DST: variants seen among roughly 807,000 people sequenced by gnomAD.
The protein encoded by DST is dystonin.
DST carries 253 observed loss-of-function variants against 875.2 expected under a neutral mutation model. The observed-to-expected ratio is 0.29, with a 90% CI of 0.26 to 0.32. The LOEUF (loss-of-function observed/expected upper bound fraction) is 0.32, where lower values mean the gene tolerates loss of function less well. Ranked by LOEUF, DST falls within the 10% of genes least tolerant of loss-of-function variation. The pLI, the probability that DST is intolerant of heterozygous loss-of-function variation, is 1.00. For missense variants in DST, 8,287 were observed against 9,111.6 expected (o/e 0.91, Z 3.68); for synonymous variants, 3,124 against 3,197.1 (o/e 0.98, Z 0.77).
intron 3 of DST, among the ~76,000 whole-genome samples, chr6:56,893,437 A>G (rs1162750733): frequency 6.6e-6 from 1 of 152,070 alleles, no homozygotes; most frequent in Admixed American, 6.6e-5. Context: ...ACAATTTTGG[A>G]ATTGTGAATT....
rs1031082207 is a variant in DST at position 56,458,273 on chromosome 6, T to C, written c.*732A>G. The C allele has an allele frequency of 1.4e-4, 22 of 152,664 alleles. No individual in the cohort carries two copies. The highest frequency in any genetic ancestry group is 4.8e-4 in the African/African-American group (20 of 41,462). 9.5% of individuals were successfully genotyped at this position (152,664 alleles called of 1,614,324 possible). ...GGACGTGTTTTATTTCATAGCTTTC[T>C]GCAAGCAAAATTGCTCTGATACAAA... On this transcript the variant is annotated 3_prime_UTR_variant, in exon 104 of 104. Coordinates refer to ENST00000680361, the MANE Select transcript of DST (RefSeq NM_001374736.1).
intron 5 of DST, among the ~76,000 whole-genome samples, chr6:56,733,325 G>T (rs905365492): frequency 1.3e-5 from 2 of 152,122 alleles, no homozygotes; most frequent in African/African-American, 4.8e-5. Context: ...AAAAGGAAAA[G>T]TACTTGATGT....
chr6:56,585,288 T>C (rs2098123926), intron 49 of DST, among the ~76,000 whole-genome samples: 1 of 152,214 alleles, frequency 6.6e-6, no homozygotes. Context: ...TATTGGTCTA[T>C]TCAGAGATTC....
At chr6:56,621,523 C>T (rs887420442) in intron 36 of DST, among the ~76,000 whole-genome samples, 3 of 152,036 alleles carry the variant, frequency 2.0e-5, no homozygotes, top group African/African-American at 4.8e-5. Context: ...CCTTTAAATA[C>T]TCCATAAATA....
chr6:56,493,864 C>T (rs1217058159), intron 83 of DST, 146 bp downstream of exon 83: 1 of 532,198 alleles, frequency 1.9e-6, no homozygotes, highest in Non-Finnish European at 3.0e-6. Flanking sequence ...TCAACTACCC[C>T]ATGAAATCTC....
chr6:56,625,911 A>AT (rs908179893), intron 34 of DST, among the ~76,000 whole-genome samples: 2 of 150,762 alleles, frequency 1.3e-5, no homozygotes, highest in African/African-American at 4.9e-5. Context: ...TCTTGACTCT[A>AT]TATAGGCCTA....
At chr6:56,641,139 G>A (rs2098895692) in intron 17 of DST, among the ~76,000 whole-genome samples, 1 of 151,732 alleles carries the variant, frequency 6.6e-6, no homozygotes, top group Admixed American at 6.6e-5. Context: ...GAGAGAGAGA[G>A]AGAGAGAGAG....
intron 45 of DST, among the ~76,000 whole-genome samples, chr6:56,599,077 T>C (rs1333606046): frequency 6.6e-6 from 1 of 152,128 alleles, no homozygotes; most frequent in Non-Finnish European, 1.5e-5. Context: ...TCTAAACTTT[T>C]ATTTTTTAAT....
intron 3 of DST, among the ~76,000 whole-genome samples, chr6:56,872,822 T>TCCCG (rs71549733): frequency 5.0e-5 from 5 of 99,568 alleles, no homozygotes; most frequent in African/African-American, 2.2e-4. Context: ...ATACACTGAT[T>TCCCG]CCCCCCCCCC....
chr6:56,810,392 G>C (rs1561951629), intron 4 of DST, among the ~76,000 whole-genome samples: 1 of 152,084 alleles, frequency 6.6e-6, no homozygotes, highest in Non-Finnish European at 1.5e-5. Context: ...AATACACTGA[G>C]ACTATGTCAG....
intron 61 of DST, among the ~76,000 whole-genome samples, chr6:56,544,259 T>G (rs894503059): frequency 6.6e-6 from 1 of 152,238 alleles, no homozygotes; most frequent in Non-Finnish European, 1.5e-5. Flanking sequence ...AGAAAACTAC[T>G]TATTCATGGC....
intron 17 of DST, 128 bp from the exon 18 acceptor site, chr6:56,640,733 T>C: frequency 1.3e-6 from 1 of 754,102 alleles, no homozygotes; most frequent in Admixed American, 2.0e-5. Context: ...TTTTAGCAAA[T>C]GTGCCACACT....
intron 3 of DST, among the ~76,000 whole-genome samples, chr6:56,855,122 C>G (rs1348339936): frequency 6.6e-6 from 1 of 152,132 alleles, no homozygotes; most frequent in Non-Finnish European, 1.5e-5. Context: ...TACTGAATCT[C>G]TGCAAACAAA....
intron 4 of DST, among the ~76,000 whole-genome samples, chr6:56,743,570 T>C (rs1238511483): frequency 2.0e-5 from 3 of 152,150 alleles, no homozygotes; most frequent in Non-Finnish European, 2.9e-5. Context: ...GAAACCAGGA[T>C]AATAATAATA....
chr6:56,721,125 A>G (rs62412547), intron 5 of DST, among the ~76,000 whole-genome samples: 8 of 149,394 alleles, frequency 5.4e-5, no homozygotes, highest in African/African-American at 1.7e-4. Flanking sequence ...CCTCCCAGAC[A>G]GGGCAGCTGC....
intron 86 of DST, among the ~76,000 whole-genome samples, chr6:56,489,174 T>G (rs888956662): frequency 6.6e-6 from 1 of 152,220 alleles, no homozygotes; most frequent in Non-Finnish European, 1.5e-5. Flanking sequence ...ACAGCTATCA[T>G]GAAAAACTGA....
At chr6:56,584,385 C>T (rs2098098251) in intron 49 of DST, among the ~76,000 whole-genome samples, 1 of 152,050 alleles carries the variant, frequency 6.6e-6, no homozygotes, top group Admixed American at 6.5e-5. Flanking sequence ...CATGATTTGG[C>T]TCTCTGTTTG....
chr6:56,898,796 G>A (rs1792650651), intron 3 of DST, among the ~76,000 whole-genome samples: 1 of 152,124 alleles, frequency 6.6e-6, no homozygotes, highest in African/African-American at 2.4e-5. Flanking sequence ...CTCATCTCAG[G>A]TGTCTGCTTA....
intron 4 of DST, among the ~76,000 whole-genome samples, chr6:56,818,201 T>C (rs946309971): frequency 6.6e-6 from 1 of 152,186 alleles, no homozygotes; most frequent in Non-Finnish European, 1.5e-5. Context: ...AAGTTTGTGA[T>C]TATTTGTTAT....
Sources: allele counts gnomAD v4.1 joint callset (sites outside exome capture counted in the v4.1 genomes callset), GRCh38; gene constraint gnomAD v4.1.1; transcripts MANE v1.5; gene names NCBI Gene and HGNC (gene_info 2026-07-23, HGNC 2026-07-21).